JAM2: variants seen among roughly 807,000 people sequenced by gnomAD.
The protein encoded by JAM2 is junctional adhesion molecule 2.
JAM2 carries 17 observed loss-of-function variants against 42.0 expected under a neutral mutation model. The ratio of observed to expected loss-of-function variants is 0.40; its 90% confidence interval spans 0.28 to 0.61. JAM2 has a LOEUF of 0.61. Among genes scored for constraint, JAM2 ranks in the 20% least tolerant of loss-of-function variants. The pLI, the probability that JAM2 is intolerant of heterozygous loss-of-function variation, is 0.37. For synonymous variants in JAM2, 118 were observed against 128.6 expected, an observed-to-expected ratio of 0.92 and a Z score of 0.56; for missense variants, 319 against 358.3, an observed-to-expected ratio of 0.89 and a Z score of 0.89.
chr21:25,714,515 A>T (rs1196340511), intron 9 of JAM2, 125 bp from the exon 10 acceptor site: 1 of 715,132 alleles, frequency 1.4e-6, no homozygotes, highest in African/African-American at 1.9e-5. Flanking sequence ...AAAATAAATA[A>T]ATAAATAAAT....
At chr21:25,705,393 G>A (rs1036759676) in intron 6 of JAM2, among the ~76,000 whole-genome samples, 1 of 152,048 alleles carries the variant, frequency 6.6e-6, no homozygotes, top group African/African-American at 2.4e-5. Flanking sequence ...ACCATACCCG[G>A]ATAATTTTTT....
intron 9 of JAM2, 57 bp from the exon 10 acceptor site, chr21:25,714,581 TTA>T (rs1161156256): frequency 9.7e-6 from 10 of 1,030,576 alleles, no homozygotes; most frequent in East Asian, 2.7e-5. Context: ...TTCATAAGAT[TTA>T]TGTTTCTTTA....
chr21:25,667,369 C>G (rs575353383), intron 1 of JAM2, among the ~76,000 whole-genome samples: 4 of 152,198 alleles, frequency 2.6e-5, no homozygotes, highest in Non-Finnish European at 5.9e-5. Flanking sequence ...CTCACGATGC[C>G]TGTTACCCAC....
intron 1 of JAM2, among the ~76,000 whole-genome samples, chr21:25,667,621 T>C (rs1376044156): frequency 6.6e-6 from 1 of 152,242 alleles, no homozygotes; most frequent in East Asian, 1.9e-4. Flanking sequence ...GTACTATCCA[T>C]GGCTTCAGAC....
intron 6 of JAM2, among the ~76,000 whole-genome samples, chr21:25,705,703 C>T (rs1459390400): frequency 6.6e-6 from 1 of 152,180 alleles, no homozygotes; most frequent in Non-Finnish European, 1.5e-5. Flanking sequence ...TGAATTATTA[C>T]ACATCTCCAA....
At chr21:25,698,638 C>T (rs1179086790) in intron 4 of JAM2, 39 bp from the exon 5 acceptor site, 3 of 1,539,150 alleles carry the variant, frequency 1.9e-6, no homozygotes, top group Middle Eastern at 1.7e-4. Flanking sequence ...CCTTGATTAG[C>T]TTATAAATAA....
chr21:25,660,772 ATATATATATATTTTTTTTTTTTTT>A, intron 1 of JAM2, among the ~76,000 whole-genome samples: 1 of 59,240 alleles, frequency 1.7e-5, no homozygotes, highest in South Asian at 6.8e-4. Flanking sequence ...ATATATATAT[ATATATATATATTTTTTTTTTTTTT>A]TTTTTTTTTT....
intron 2 of JAM2, among the ~76,000 whole-genome samples, chr21:25,686,547 G>A (rs993618795): frequency 2.7e-4 from 41 of 152,324 alleles, no homozygotes; most frequent in African/African-American, 9.1e-4. Context: ...CTGCTGTGCT[G>A]TATCACTTCC....
At chr21:25,662,648 T>A (rs1205277294) in intron 1 of JAM2, among the ~76,000 whole-genome samples, 1 of 152,172 alleles carries the variant, frequency 6.6e-6, no homozygotes, top group Non-Finnish European at 1.5e-5. Flanking sequence ...ACTGGTATTG[T>A]CTGTTGGTCT....
chr21:25,641,140 T>C (rs2032427646), intron 1 of JAM2, among the ~76,000 whole-genome samples: 1 of 152,122 alleles, frequency 6.6e-6, no homozygotes, highest in South Asian at 2.1e-4. Context: ...TATCAATTGG[T>C]ATCATATGGA....
At chr21:25,706,150 T>C (rs2034267301) in intron 7 of JAM2, 64 bp downstream of exon 7, 4 of 1,006,836 alleles carry the variant, frequency 4.0e-6, no homozygotes, top group Non-Finnish European at 6.4e-6. Context: ...ATTTATGAGA[T>C]ACTGTTTCTC....
chr21:25,697,963 G>A (rs528791644), intron 4 of JAM2, among the ~76,000 whole-genome samples: 28 of 143,762 alleles, frequency 1.9e-4, no homozygotes, highest in African/African-American at 6.6e-4. Context: ...TCTCTCTCTC[G>A]CTCTCTCTCA....
chr21:25,705,830 G>T (rs2034259288), intron 6 of JAM2, 149 bp from the exon 7 acceptor site: 1 of 578,554 alleles, frequency 1.7e-6, no homozygotes, highest in East Asian at 2.9e-5. Context: ...TGTCTTAGAA[G>T]TGAGTTAGTT....
chr21:25,713,201 C>T (rs2034417324), intron 9 of JAM2, among the ~76,000 whole-genome samples: 2 of 152,178 alleles, frequency 1.3e-5, no homozygotes, highest in Admixed American at 1.3e-4. Flanking sequence ...GTGACACAAA[C>T]ATTCAGACCA....
chr21:25,643,470 G>A (rs1025467254), intron 1 of JAM2: 1 of 152,136 alleles, frequency 6.6e-6, no homozygotes, highest in Admixed American at 6.5e-5. Flanking sequence ...ATTGTGGTAG[G>A]GGAGAGAGGT....
intron 1 of JAM2, among the ~76,000 whole-genome samples, chr21:25,662,674 G>A (rs944637781): frequency 6.6e-6 from 1 of 151,952 alleles, no homozygotes; most frequent in Middle Eastern, 3.2e-3. Flanking sequence ...CCTAAGTATT[G>A]CAATACATTA....
intron 7 of JAM2, among the ~76,000 whole-genome samples, chr21:25,706,942 G>A (rs2034284798): frequency 6.6e-6 from 1 of 151,946 alleles, no homozygotes; most frequent in Non-Finnish European, 1.5e-5. Flanking sequence ...GTTTCATCGT[G>A]TTAGCCGGGA....
chr21:25,705,450 C>A (rs897016222), intron 6 of JAM2, among the ~76,000 whole-genome samples: 3 of 151,854 alleles, frequency 2.0e-5, no homozygotes, highest in Admixed American at 6.6e-5. Context: ...GTTGCCTAGG[C>A]TGGTCTCAAA....
intron 1 of JAM2, chr21:25,643,551 C>T (rs566499020): frequency 3.9e-5 from 6 of 152,294 alleles, no homozygotes; most frequent in Non-Finnish European, 5.9e-5. Flanking sequence ...CTCCAGGGAA[C>T]CGGTACTAGG....
Sources: gnomAD v4.1 joint callset for allele counts (sites outside exome capture counted in the v4.1 genomes callset) on GRCh38, gnomAD v4.1.1 for gene constraint, MANE v1.5 for transcripts, NCBI Gene and HGNC (gene_info 2026-07-23, HGNC 2026-07-21) for gene names.